Variants in SLC15A2 observed in about 807,000 individuals in gnomAD.
SLC15A2 encodes the protein solute carrier family 15 member 2.
Under a neutral mutation model 95.5 loss-of-function variants are expected in SLC15A2, and 77 were observed. The ratio of observed to expected loss-of-function variants is 0.81; its 90% CI spans 0.67 to 0.97. The LOEUF is 0.97. SLC15A2 is among the 50% of genes least tolerant of loss of function. The probability of loss-of-function intolerance (pLI) is 0.00; values close to 1 mark genes in which losing one functional copy is unlikely to be tolerated. For missense variants in SLC15A2, 893 were observed against 874.4 expected (o/e 1.02, Z -0.27); for synonymous variants, 306 against 306.9 (o/e 1.00, Z 0.03).
chr3:121,934,796 C>T (rs1483796897), intron 19 of SLC15A2, among the ~76,000 whole-genome samples: 1 of 152,118 alleles, frequency 6.6e-6, no homozygotes, highest in Non-Finnish European at 1.5e-5. Context: ...ACTTCCAACA[C>T]TATGTTGAAT....
In SLC15A2 at chr3:121,894,513, C is replaced by CT. The variant is rs1354080960; in HGVS notation, c.43dup (p.Ser15PhefsTer6). The CT allele has an allele frequency of 6.2e-7, 1 of 1,613,648 alleles. No homozygotes were observed. Among genetic ancestry groups the CT allele is most frequent in the Non-Finnish European group, 8.5e-7 (1 of 1,179,784 alleles). ...CCAGAAAAATGAGTCCAAGGAAACT[C>CT]TTTTTTCACCTGTCTCCATTGAAGA... On this transcript the variant is annotated frameshift_variant, in exon 1 of 22. Coordinates refer to ENST00000489711, the MANE Select transcript of SLC15A2 (RefSeq NM_021082.4). LOFTEE classifies it high-confidence loss of function.
intron 17 of SLC15A2, among the ~76,000 whole-genome samples, chr3:121,930,217 T>A (rs1447721822): frequency 2.0e-5 from 3 of 152,000 alleles, no homozygotes; most frequent in Non-Finnish European, 4.4e-5. Flanking sequence ...TCAAAAGCTA[T>A]CAAAACAGAA....
intron 19 of SLC15A2, among the ~76,000 whole-genome samples, chr3:121,933,331 C>T (rs1444967991): frequency 6.6e-6 from 1 of 151,016 alleles, no homozygotes; most frequent in Non-Finnish European, 1.5e-5. Context: ...CCTGAGGAAT[C>T]GCCACACTGA....
chr3:121,917,084 T>G (rs1442157158), intron 7 of SLC15A2, among the ~76,000 whole-genome samples: 2 of 152,182 alleles, frequency 1.3e-5, no homozygotes. Flanking sequence ...CCTCCCAAAG[T>G]GCTAGGATTA....
At chr3:121,914,466 A>T (rs1203018758) in intron 5 of SLC15A2, among the ~76,000 whole-genome samples, 3 of 152,208 alleles carry the variant, frequency 2.0e-5, no homozygotes, top group Non-Finnish European at 1.5e-5. Context: ...ATTTCTTTTT[A>T]GACTCTCTGG....
At chr3:121,933,733 G>T (rs1281448885) in intron 19 of SLC15A2, among the ~76,000 whole-genome samples, 5 of 152,080 alleles carry the variant, frequency 3.3e-5, no homozygotes, top group East Asian at 1.9e-4. Context: ...TCTGATGGTA[G>T]TTTCTTTTGC....
chr3:121,897,677 TA>T (rs567619022), intron 3 of SLC15A2, 148 bp downstream of exon 3: 462 of 728,418 alleles, frequency 6.3e-4, no homozygotes, highest in South Asian at 1.5e-3. Flanking sequence ...GTGGGAAATT[TA>T]AAAAAAAAGA....
Position 121,931,087 on chromosome 3 carries a change from C to T in SLC15A2, c.1664+137C>T, listed in dbSNP as rs1479526774. The T allele has an allele frequency of 9.9e-6, 6 of 608,592 alleles. No homozygotes were observed. In the African/African-American group the frequency reaches 1.1e-4, roughly 11 times the overall value. The allele number at this position is 608,592 out of a possible 1,614,324, so 37.7% of individuals were successfully genotyped here. On this transcript the variant is annotated intron_variant, in intron 18 of 21. Coordinates refer to ENST00000489711, the MANE Select transcript of SLC15A2 (RefSeq NM_021082.4). ...GACGCACTACTGATCTTTTCCAACT[C>T]TTGCTTCCTTCCCTCAGTCTCACTT...
intron 14 of SLC15A2, 68 bp from the exon 15 acceptor site, chr3:121,928,353 G>T: frequency 6.4e-7 from 1 of 1,557,606 alleles, no homozygotes. Flanking sequence ...AAACAACTGA[G>T]ATATGTGTTG....
intron 3 of SLC15A2, among the ~76,000 whole-genome samples, chr3:121,901,517 G>T (rs1270352534): frequency 1.3e-5 from 2 of 152,106 alleles, no homozygotes; most frequent in East Asian, 1.9e-4. Flanking sequence ...AAACTTGGGG[G>T]TGATTTGTAT....
chr3:121,896,289 G>T, intron 1 of SLC15A2, 117 bp from the exon 2 acceptor site: 1 of 781,522 alleles, frequency 1.3e-6, no homozygotes, highest in Non-Finnish European at 2.2e-6. Flanking sequence ...AGAGACCATT[G>T]CTCCATTACC....
At chr3:121,910,192 CTTTTT>C (rs35492489) in intron 3 of SLC15A2, among the ~76,000 whole-genome samples, 67 of 126,924 alleles carry the variant, frequency 5.3e-4, no homozygotes, top group East Asian at 3.1e-3. Flanking sequence ...AGTCACCTAA[CTTTTT>C]TTTTTTTTTT....
At position 121,933,244 on chromosome 3, in the gene SLC15A2, C is replaced by A. The variant is rs367896867; in HGVS notation, c.1761+1509C>A. Among the ~76,000 whole-genome samples the A allele has an allele frequency of 4.5e-4, 68 of 151,454 alleles. No homozygotes were observed. The East Asian group carries it at 0.012, about 27-fold the overall frequency. ...CATATGTGTGCATGTGTCTTTATAG[C>A]AGCATGATTTACAGTCCTTTGGGTA... On this transcript the variant is annotated intron_variant, in intron 19 of 21. Coordinates refer to ENST00000489711, the MANE Select transcript of SLC15A2 (RefSeq NM_021082.4).
At chr3:121,932,873 C>T (rs1710259778) in intron 19 of SLC15A2, among the ~76,000 whole-genome samples, 1 of 152,106 alleles carries the variant, frequency 6.6e-6, no homozygotes, top group Non-Finnish European at 1.5e-5. Context: ...AACTCGTCAT[C>T]TAGCATTAGG....
intron 7 of SLC15A2, among the ~76,000 whole-genome samples, chr3:121,917,416 T>C (rs1411681059): frequency 3.9e-5 from 6 of 152,124 alleles, no homozygotes; most frequent in Admixed American, 3.9e-4. Context: ...GGACCGGGCA[T>C]AGTGGCTCAC....
chr3:121,927,234 TG>T (rs1205730932), intron 13 of SLC15A2, among the ~76,000 whole-genome samples: 1 of 152,202 alleles, frequency 6.6e-6, no homozygotes, highest in Admixed American at 6.5e-5. Context: ...ATGAGATTTT[TG>T]GGGGGCTAGA....
intron 3 of SLC15A2, among the ~76,000 whole-genome samples, chr3:121,910,497 C>T (rs1709743730): frequency 6.6e-6 from 1 of 152,052 alleles, no homozygotes; most frequent in South Asian, 2.1e-4. Flanking sequence ...GCCCTAGTCA[C>T]CTAACTTCTT....
chr3:121,930,769 T>G (rs1710216684), intron 17 of SLC15A2, 71 bp from the exon 18 acceptor site: 1 of 974,386 alleles, frequency 1.0e-6, no homozygotes. Context: ...ACCCAAAACA[T>G]AAAAGGCCCC....
chr3:121,903,483 G>T, intron 3 of SLC15A2, among the ~76,000 whole-genome samples: 1 of 152,132 alleles, frequency 6.6e-6, no homozygotes, highest in Admixed American at 6.5e-5. Flanking sequence ...TATGGTTTTA[G>T]GTCTAACATG....
Sources: gnomAD v4.1 joint callset for allele counts (sites outside exome capture counted in the v4.1 genomes callset) on GRCh38, gnomAD v4.1.1 for gene constraint, MANE v1.5 for transcripts, NCBI Gene and HGNC (gene_info 2026-07-23, HGNC 2026-07-21) for gene names.